TOP6BL: variants seen among roughly 807,000 people sequenced by gnomAD.
TOP6BL encodes the protein TOP6B like initiator of meiotic double strand breaks.
At chr11:66,810,487 G>C in the TOP6BL span, among the ~76,000 whole-genome samples, 1 of 152,338 alleles carries the variant, frequency 6.6e-6, no homozygotes, top group African/African-American at 2.4e-5. Context: ...AGACAGGTCT[G>C]TGCCTTTCTC....
At chr11:66,837,651 G>T in the TOP6BL span, among the ~76,000 whole-genome samples, 1 of 148,120 alleles carries the variant, frequency 6.8e-6, no homozygotes, top group Non-Finnish European at 1.5e-5. Context: ...CACCATGTTG[G>T]CCAGGCTAGT....
chr11:66,805,467 G>GT, the TOP6BL span, among the ~76,000 whole-genome samples: 645 of 142,788 alleles, frequency 4.5e-3, 2 homozygotes, highest in African/African-American at 8.9e-3. Context: ...GGGCTTTTTT[G>GT]TTTTTTTTTT....
chr11:66,805,757 G>C, the TOP6BL span, among the ~76,000 whole-genome samples: 1 of 152,120 alleles, frequency 6.6e-6, no homozygotes, highest in African/African-American at 2.4e-5. Flanking sequence ...GCTCGGCCTG[G>C]AGGGGCTTCT....
the TOP6BL span, among the ~76,000 whole-genome samples, chr11:66,821,153 G>A: frequency 4.1e-4 from 63 of 152,262 alleles, no homozygotes; most frequent in Non-Finnish European, 6.5e-4. Flanking sequence ...GAACTACTGT[G>A]ATAATTTGTA....
At chr11:66,773,291 C>T in the TOP6BL span, among the ~76,000 whole-genome samples, 39 of 151,828 alleles carry the variant, frequency 2.6e-4, no homozygotes, top group Non-Finnish European at 4.3e-4. Context: ...TGGGCTCAAG[C>T]GATCCTCTTG....
chr11:66,843,077 G>C, the TOP6BL span: 7 of 1,579,880 alleles, frequency 4.4e-6, no homozygotes, highest in South Asian at 5.7e-5. Context: ...GAGGTAACTG[G>C]GCGAGGGCCG....
chr11:66,766,355 AT>A, the TOP6BL span, among the ~76,000 whole-genome samples: 1 of 152,110 alleles, frequency 6.6e-6, no homozygotes, highest in South Asian at 2.1e-4. Context: ...TGTGTATTTT[AT>A]TTATGCTGGA....
chr11:66,781,366 T>C, the TOP6BL span, among the ~76,000 whole-genome samples: 1 of 152,226 alleles, frequency 6.6e-6, no homozygotes, highest in Non-Finnish European at 1.5e-5. Context: ...TCATTTCAAT[T>C]ATTTAACTTT....
chr11:66,769,706 T>TTTTA, the TOP6BL span, among the ~76,000 whole-genome samples: 443 of 151,596 alleles, frequency 2.9e-3, 1 homozygote, highest in African/African-American at 4.7e-3. Flanking sequence ...AGATTAGCAG[T>TTTTA]TTTATTTATT....
At chr11:66,824,075 A>G in the TOP6BL span, among the ~76,000 whole-genome samples, 1 of 152,180 alleles carries the variant, frequency 6.6e-6, no homozygotes, top group South Asian at 2.1e-4. Context: ...TCACAGAGTT[A>G]TTATGAAGGT....
chr11:66,820,157 A>G, the TOP6BL span, among the ~76,000 whole-genome samples: 1 of 152,194 alleles, frequency 6.6e-6, no homozygotes, highest in East Asian at 1.9e-4. Flanking sequence ...TACTGAAGAA[A>G]AGATTTCATC....
the TOP6BL span, among the ~76,000 whole-genome samples, chr11:66,777,868 T>C: frequency 6.6e-6 from 1 of 151,828 alleles, no homozygotes; most frequent in Non-Finnish European, 1.5e-5. Flanking sequence ...CAAGACTCCA[T>C]CCCCCCAAAA....
At chr11:66,798,157 A>G in the TOP6BL span, among the ~76,000 whole-genome samples, 16 of 152,230 alleles carry the variant, frequency 1.1e-4, no homozygotes, top group Non-Finnish European at 4.4e-5. Flanking sequence ...AGAAAAATAT[A>G]GGTGAATGGA....
chr11:66,842,934 C>T, the TOP6BL span: 5 of 1,558,920 alleles, frequency 3.2e-6, no homozygotes, highest in Non-Finnish European at 2.6e-6. Context: ...CTGCCAGGGC[C>T]CCGAGCCCGT....
the TOP6BL span, among the ~76,000 whole-genome samples, chr11:66,789,378 G>T: frequency 6.6e-6 from 1 of 152,084 alleles, no homozygotes; most frequent in East Asian, 1.9e-4. Context: ...CCTTAGAGTT[G>T]GTGGAGACAT....
the TOP6BL span, among the ~76,000 whole-genome samples, chr11:66,812,286 T>C: frequency 6.6e-6 from 1 of 151,856 alleles, no homozygotes; most frequent in Non-Finnish European, 1.5e-5. Context: ...ACGCCATTCT[T>C]CTGGCTCAGC....
At chr11:66,753,946 AC>A in the TOP6BL span, among the ~76,000 whole-genome samples, 2 of 149,106 alleles carry the variant, frequency 1.3e-5, no homozygotes, top group African/African-American at 5.0e-5. Flanking sequence ...ATCAGGTGAT[AC>A]GCCCAGCTCA....
At chr11:66,839,562 G>A in the TOP6BL span, among the ~76,000 whole-genome samples, 2 of 152,158 alleles carry the variant, frequency 1.3e-5, no homozygotes, top group Non-Finnish European at 1.5e-5. Flanking sequence ...ACACATACGC[G>A]TTTATGCTTA....
At chr11:66,817,505 C>T in the TOP6BL span, among the ~76,000 whole-genome samples, 2 of 152,130 alleles carry the variant, frequency 1.3e-5, no homozygotes. Context: ...ATAGCGTGAT[C>T]TTGACTCACT....
Sources: gnomAD v4.1 joint callset for allele counts (sites outside exome capture counted in the v4.1 genomes callset) on GRCh38, gnomAD v4.1.1 for gene constraint, MANE v1.5 for transcripts, NCBI Gene and HGNC (gene_info 2026-07-23, HGNC 2026-07-21) for gene names.